Variants in ROBO2 observed in about 807,000 individuals in gnomAD.
The protein encoded by ROBO2 is roundabout guidance receptor 2.
ROBO2 carries 53 observed loss-of-function variants against 160.8 expected under a neutral mutation model. The ratio of observed to expected loss-of-function variants is 0.33; its 90% CI spans 0.26 to 0.41. The LOEUF (loss-of-function observed/expected upper bound fraction) is 0.41. Among genes scored for constraint, ROBO2 ranks in the 10% least tolerant of loss-of-function variants. The probability of loss-of-function intolerance (pLI) is 1.00; values close to 1 mark genes in which losing one functional copy is unlikely to be tolerated. For synonymous variants in ROBO2, 664 were observed against 611.7 expected, an observed-to-expected ratio of 1.09 and a Z score of -1.26; for missense variants, 1,577 against 1,722.4, an observed-to-expected ratio of 0.92 and a Z score of 1.49.
At chr3:77,143,531 C>T (rs1052011846) in intron 2 of ROBO2, among the ~76,000 whole-genome samples, 2 of 152,024 alleles carry the variant, frequency 1.3e-5, no homozygotes, top group African/African-American at 4.8e-5. Context: ...ATGTACCATA[C>T]AACTCATCCA....
chr3:76,955,888 C>CAAAAA (rs35674535), intron 2 of ROBO2, among the ~76,000 whole-genome samples: 5 of 124,036 alleles, frequency 4.0e-5, no homozygotes, highest in Admixed American at 8.2e-5. Context: ...GAGACTCCGT[C>CAAAAA]AAAAAAAAAA....
At chr3:76,972,684 C>CT (rs2059629412) in intron 2 of ROBO2, among the ~76,000 whole-genome samples, 1 of 152,018 alleles carries the variant, frequency 6.6e-6, no homozygotes, top group Non-Finnish European at 1.5e-5. Context: ...TAGCAAGACT[C>CT]TGTCTCTACA....
chr3:76,073,384 C>G (rs895392183), intron 2 of ROBO2, among the ~76,000 whole-genome samples: 4 of 142,886 alleles, frequency 2.8e-5, no homozygotes, highest in Admixed American at 7.3e-5. Context: ...AGCTCCCCTC[C>G]TGGGTTCCCG....
intron 2 of ROBO2, among the ~76,000 whole-genome samples, chr3:76,137,815 C>T (rs539785656): frequency 4.6e-5 from 7 of 151,950 alleles, no homozygotes; most frequent in Admixed American, 2.6e-4. Context: ...TTGTATCTCT[C>T]TAATTCTTCT....
chr3:76,430,499 T>A (rs1017299276), intron 2 of ROBO2, among the ~76,000 whole-genome samples: 2 of 152,142 alleles, frequency 1.3e-5, no homozygotes, highest in African/African-American at 4.8e-5. Context: ...TATTTTCTTC[T>A]ATTTTTTTAA....
chr3:77,542,518 A>G (rs2092515224), intron 6 of ROBO2, among the ~76,000 whole-genome samples: 3 of 152,232 alleles, frequency 2.0e-5, no homozygotes, highest in Admixed American at 2.0e-4. Flanking sequence ...TACAATATAC[A>G]TAAACATCAC....
chr3:75,912,907 G>T (rs1429678823), intron 1 of ROBO2, among the ~76,000 whole-genome samples: 3 of 152,030 alleles, frequency 2.0e-5, no homozygotes, highest in Non-Finnish European at 4.4e-5. Flanking sequence ...TTTGCTTATT[G>T]TAGTGGTGTA....
At chr3:77,462,037 C>T (rs1167923127) in intron 2 of ROBO2, among the ~76,000 whole-genome samples, 4 of 152,092 alleles carry the variant, frequency 2.6e-5, no homozygotes, top group African/African-American at 7.2e-5. Flanking sequence ...GATTTACTTA[C>T]ATGAAATAGA....
At chr3:77,356,652 A>G (rs1444983843) in intron 2 of ROBO2, among the ~76,000 whole-genome samples, 1 of 152,170 alleles carries the variant, frequency 6.6e-6, no homozygotes, top group Non-Finnish European at 1.5e-5. Flanking sequence ...CGCAATTTAT[A>G]TATTGTTTTG....
intron 2 of ROBO2, among the ~76,000 whole-genome samples, chr3:76,713,267 T>G (rs902931271): frequency 6.6e-6 from 1 of 152,228 alleles, no homozygotes; most frequent in Admixed American, 6.5e-5. Context: ...TTTATTTTAA[T>G]GTTGCTTTGG....
intron 2 of ROBO2, among the ~76,000 whole-genome samples, chr3:76,934,518 G>A (rs997323475): frequency 3.9e-5 from 6 of 152,088 alleles, no homozygotes; most frequent in Non-Finnish European, 8.8e-5. Context: ...CGAGAGGGCC[G>A]GATCACGAGG....
At chr3:76,929,224 C>A (rs560791756) in intron 2 of ROBO2, among the ~76,000 whole-genome samples, 8 of 152,300 alleles carry the variant, frequency 5.3e-5, no homozygotes, top group African/African-American at 1.7e-4. Context: ...TACGCCATTG[C>A]ACTCCAGGCT....
chr3:76,054,758 T>A (rs889059741), intron 2 of ROBO2, among the ~76,000 whole-genome samples: 6 of 152,202 alleles, frequency 3.9e-5, no homozygotes, highest in Non-Finnish European at 7.4e-5. Flanking sequence ...AAATGCATTT[T>A]TGGCATATTT....
chr3:77,464,586 G>A (rs188799708), intron 2 of ROBO2, among the ~76,000 whole-genome samples: 11 of 152,272 alleles, frequency 7.2e-5, no homozygotes, highest in Admixed American at 7.2e-4. Context: ...TCCTGGAACT[G>A]TCCTGCAATA....
At chr3:77,188,120 T>C (rs2081451218) in intron 2 of ROBO2, among the ~76,000 whole-genome samples, 1 of 151,872 alleles carries the variant, frequency 6.6e-6, no homozygotes, top group East Asian at 1.9e-4. Flanking sequence ...TCTTTGATAT[T>C]ATGTGGATTC....
rs374893217 is a variant in ROBO2, at chr3:76,449,885, C to T, written c.109+512283C>T. ...ATTTACAACATAGTAAATATTCCACCTGCTCATACTTGCTGCAAATATAGA... is the reference window on the plus strand; with the variant it reads ...ATTTACAACATAGTAAATATTCCACTTGCTCATACTTGCTGCAAATATAGA... On this transcript the variant is annotated intron_variant, in intron 2 of 26. Transcript: ENST00000487694. Among the ~76,000 whole-genome samples, 23 of 152,170 alleles carry T rather than the reference C, an allele frequency of 1.5e-4. No homozygotes were observed. The South Asian group carries it at 2.1e-3, about 14-fold the overall frequency.
intron 2 of ROBO2, among the ~76,000 whole-genome samples, chr3:77,010,864 C>CCCTA (rs746650795): frequency 0.05 from 5,494 of 109,834 alleles, 172 homozygotes; most frequent in Middle Eastern, 0.08. Flanking sequence ...CTCCCTCCCT[C>CCCTA]CCTACCTTCC....
intron 2 of ROBO2, among the ~76,000 whole-genome samples, chr3:76,535,663 G>A (rs2082455482): frequency 6.6e-6 from 1 of 152,124 alleles, no homozygotes; most frequent in Admixed American, 6.5e-5. Flanking sequence ...TTAAAAAAGA[G>A]TGTATAAAAG....
chr3:76,145,254 C>T (rs2071841004), intron 2 of ROBO2, among the ~76,000 whole-genome samples: 1 of 151,928 alleles, frequency 6.6e-6, no homozygotes. Context: ...AATTTCTAAG[C>T]TCTGATAAAT....
Sources: allele counts gnomAD v4.1 joint callset (sites outside exome capture counted in the v4.1 genomes callset), GRCh38; gene constraint gnomAD v4.1.1; transcripts MANE v1.5; gene names NCBI Gene and HGNC (gene_info 2026-07-23, HGNC 2026-07-21).